The following PDE2A variants were observed in gnomAD, a reference collection of about 807,000 sequenced individuals.
PDE2A encodes cGMP-dependent 3',5'-cyclic phosphodiesterase.
Under a neutral mutation model 133.6 loss-of-function variants are expected in PDE2A, and 53 were observed. The observed-to-expected ratio is 0.40, with a 90% CI of 0.32 to 0.50. PDE2A has a LOEUF of 0.50. PDE2A is among the 20% of genes least tolerant of loss of function. The pLI, the probability that PDE2A is intolerant of heterozygous loss-of-function variation, is 0.73. For synonymous variants in PDE2A, 491 were observed against 490.2 expected (o/e 1.00, Z -0.02); for missense variants, 796 against 1,232.4 (o/e 0.65, Z 5.30).
intron 2 of PDE2A, among the ~76,000 whole-genome samples, chr11:72,611,135 C>T (rs10793036): frequency 0.64 from 96,967 of 152,076 alleles, 32,195 homozygotes; most frequent in African/African-American, 0.81. Flanking sequence ...GAGTCTGATG[C>T]ATGTGATGTG....
intron 16 of PDE2A, 91 bp downstream of exon 16, chr11:72,585,280 G>A: frequency 9.3e-7 from 1 of 1,075,018 alleles, no homozygotes; most frequent in East Asian, 2.5e-5. Flanking sequence ...GCAGAAGGCA[G>A]AGAAAGGGAA....
intron 2 of PDE2A, among the ~76,000 whole-genome samples, chr11:72,633,281 C>T (rs1019645543): frequency 1.3e-5 from 2 of 152,150 alleles, no homozygotes. Flanking sequence ...CATCTGTCAC[C>T]GCCTCCCCAT....
intron 2 of PDE2A, among the ~76,000 whole-genome samples, chr11:72,635,574 T>TGCTAG (rs1858639098): frequency 6.6e-6 from 1 of 152,212 alleles, no homozygotes; most frequent in South Asian, 2.1e-4. Flanking sequence ...AGTCAAGGAA[T>TGCTAG]GCTAGAATTG....
chr11:72,602,759 G>A (rs1856814060), intron 4 of PDE2A, among the ~76,000 whole-genome samples: 2 of 152,220 alleles, frequency 1.3e-5, no homozygotes, highest in African/African-American at 2.4e-5. Flanking sequence ...CAATAGACCG[G>A]GCCTCAGGTA....
chr11:72,580,828 G>T, intron 24 of PDE2A, 58 bp downstream of exon 24: 2 of 1,135,966 alleles, frequency 1.8e-6, no homozygotes, highest in Non-Finnish European at 2.7e-6. Flanking sequence ...GCTGGGAGAG[G>T]ATGAGACTCC....
At chr11:72,601,285 CCCCATCACCTCACT>C in intron 4 of PDE2A, among the ~76,000 whole-genome samples, 1 of 140,020 alleles carries the variant, frequency 7.1e-6, no homozygotes, top group Admixed American at 7.2e-5. Context: ...CTCACTGGGC[CCCCATCACCTCACT>C]GAGGCTGCCC....
rs868484155 is a variant in PDE2A at position 72,650,785 on chromosome 11, G to A, written c.72-8459C>T. On this transcript the variant is annotated intron_variant, in intron 1 of 30. Coordinates refer to ENST00000334456, the MANE Select transcript of PDE2A (RefSeq NM_002599.5). ...GACAGCTGCAGCCCTGAGGCTGCCC[G>A]GCTTTCCTCCACCTGCTATTCCTGG... Among the ~76,000 whole-genome samples, 170 of 152,104 alleles carry A rather than the reference G, an allele frequency of 1.1e-3. 1 individual carries two copies. Among genetic ancestry groups the A allele is most frequent in the Non-Finnish European group, 1.8e-3 (124 of 67,996 alleles).
chr11:72,601,044 C>G (rs1029080770), intron 4 of PDE2A, among the ~76,000 whole-genome samples: 21 of 149,476 alleles, frequency 1.4e-4, no homozygotes, highest in African/African-American at 5.2e-4. Flanking sequence ...GAGAAGCCCC[C>G]CTCCAACACC....
chr11:72,632,295 A>C (rs957545209), intron 2 of PDE2A, among the ~76,000 whole-genome samples: 2 of 152,132 alleles, frequency 1.3e-5, no homozygotes, highest in African/African-American at 4.8e-5. Context: ...TGGCCGAAGC[A>C]GGGCGTCTGG....
chr11:72,664,364 A>ATTTTTTTTTTTTTTTTTTTTTTTTTT (rs34217943), intron 1 of PDE2A, among the ~76,000 whole-genome samples: 1 of 70,076 alleles, frequency 1.4e-5, no homozygotes, highest in African/African-American at 6.0e-5. Flanking sequence ...CCCTTGAAGG[A>ATTTTTTTTTTTTTTTTTTTTTTTTTT]TTTTTTTTTT....
chr11:72,615,151 C>T (rs1176266652), intron 2 of PDE2A: 1 of 481,886 alleles, frequency 2.1e-6, no homozygotes, highest in Non-Finnish European at 4.6e-6. Context: ...CCCAGTGCCT[C>T]CCAAGGGTGT....
At chr11:72,630,658 G>A (rs1386856378) in intron 2 of PDE2A, among the ~76,000 whole-genome samples, 1 of 151,948 alleles carries the variant, frequency 6.6e-6, no homozygotes, top group African/African-American at 2.4e-5. Flanking sequence ...TCCTCCTGGT[G>A]GCCACGTGGA....
chr11:72,608,697 C>G lies in PDE2A; in HGVS notation c.199G>C (p.Val67Leu), dbSNP rs1857076795. 1 of 1,576,944 alleles carries G rather than the reference C, an allele frequency of 6.3e-7. No individual in the cohort carries two copies. Residue 67 changes from valine to leucine, a missense_variant, in exon 3 of 31, where the codon GTC becomes CTC. By Grantham distance (32) the Val-to-Leu change is conservative (BLOSUM62 1). Coordinates refer to ENST00000334456, the MANE Select transcript of PDE2A (RefSeq NM_002599.5). ...AGCACAGCTGACAGGGCCTCCTTGA[C>G]AGCACGTTGCAGGCCTGAAATGTCG... is the stretch of plus-strand genomic sequence containing the variant. ...VIDISGLQRA[V>L]KEALSAVLPR...
Position 72,590,236 on chromosome 11 carries a change from A to T in PDE2A, c.712T>A (p.Tyr238Asn). 1.3e-6 allele frequency: 2 copies of T among 1,551,628 alleles called. No homozygotes were observed. The highest frequency in any genetic ancestry group is 2.4e-5 in the South Asian group (2 of 84,074). The change falls in exon 9 of 31, where the codon TAC (tyrosine) becomes AAC (asparagine). Residue 238 changes from tyrosine (Y) to asparagine (N), a missense_variant. By Grantham distance (143) the Tyr-to-Asn change is moderately radical. Coordinates refer to ENST00000334456, the MANE Select transcript of PDE2A (RefSeq NM_002599.5). The surrounding 1 kb of genome is among the most constrained non-coding windows in gnomAD (Gnocchi z 4.8). ...RKILQLCGELYDLDASSLQLK... is the reference protein window; with the variant it reads ...RKILQLCGELNDLDASSLQLK... ...TGCAGGGAAGAGGCATCCAGGTCGT[A>T]GAGTTCCCCTGCAAGGGCCAGGCGC... is the stretch of plus-strand genomic sequence containing the variant.
chr11:72,589,848 G>A lies in PDE2A; in HGVS notation c.832-56C>T, dbSNP rs1444967401. ...AGGAAAGGCAATGGATTTCCCCCTC[G>A]GAGACCCGAGTTCCTCGCCCAGCCC... On this transcript the variant is annotated intron_variant, in intron 10 of 30. Transcript: ENST00000334456. 5.3e-5 allele frequency: 85 copies of A among 1,608,124 alleles called. No homozygotes were observed. In the East Asian group the frequency reaches 1.9e-3, roughly 36 times the overall value.
Position 72,578,652 on chromosome 11 carries a change from C to T in PDE2A, c.2470-138G>A, listed in dbSNP as rs1425747325. The T allele has an allele frequency of 2.5e-6, 2 of 802,208 alleles. No individual in the cohort carries two copies. The highest frequency in any genetic ancestry group is 4.1e-6 in the Non-Finnish European group (2 of 482,750). The allele number at this position is 802,208 out of a possible 1,614,324, so 49.7% of individuals were successfully genotyped here. ...CAGGAGCCGTCCCCACCAGCCCCAG[C>T]TTGGCAGTGGGATGGCCTGAGGCAG... is the stretch of plus-strand genomic sequence containing the variant. On this transcript the variant is annotated intron_variant, in intron 28 of 30. Transcript: ENST00000334456. The surrounding 1 kb of genome is among the most constrained non-coding windows in gnomAD (Gnocchi z 4.2).
chr11:72,616,853 C>A (rs570845463), intron 2 of PDE2A, among the ~76,000 whole-genome samples: 1 of 152,340 alleles, frequency 6.6e-6, no homozygotes, highest in African/African-American at 2.4e-5. Context: ...ACACCTCCTC[C>A]AGGAAGCCTT....
At chr11:72,670,387 C>T (rs988324282) in intron 1 of PDE2A, among the ~76,000 whole-genome samples, 3 of 152,132 alleles carry the variant, frequency 2.0e-5, no homozygotes, top group African/African-American at 7.2e-5. Flanking sequence ...TCCTCTGTTC[C>T]CTCTCCCTGG....
At chr11:72,583,065 G>A (rs1336808969) in intron 20 of PDE2A, among the ~76,000 whole-genome samples, 1 of 152,236 alleles carries the variant, frequency 6.6e-6, no homozygotes. Context: ...TAGATTATCA[G>A]CAATTAAGAC....
Sources: allele counts gnomAD v4.1 joint callset (sites outside exome capture counted in the v4.1 genomes callset), GRCh38; gene constraint gnomAD v4.1.1; non-coding constraint Gnocchi (gnomAD v3.1); transcripts MANE v1.5; gene names NCBI Gene and HGNC (gene_info 2026-07-23, HGNC 2026-07-21).